The following ZNF292 variants were observed in gnomAD, a reference collection of about 807,000 sequenced individuals.
ZNF292 encodes 16 zinc-finger domain protein.
ZNF292 carries 26 observed loss-of-function variants against 217.9 expected under a neutral mutation model. That is an observed-to-expected ratio of 0.12 (90% confidence interval 0.09 to 0.17). ZNF292 has a LOEUF of 0.17. Among genes scored for constraint, ZNF292 ranks in the 10% least tolerant of loss-of-function variants. The pLI, the probability that ZNF292 is intolerant of heterozygous loss-of-function variation, is 1.00. For synonymous variants in ZNF292, 1,257 were observed against 1,124.1 expected (o/e 1.12, Z -2.37); for missense variants, 2,904 against 3,175.2 (o/e 0.91, Z 2.05).
At chr6:87,206,235 A>G (rs1249401699) in intron 1 of ZNF292, among the ~76,000 whole-genome samples, 1 of 152,198 alleles carries the variant, frequency 6.6e-6, no homozygotes, top group Admixed American at 6.5e-5. Flanking sequence ...GGTTAGGAAA[A>G]TATTTTCTAC....
At chr6:87,234,690 A>AC (rs1773815482) in intron 5 of ZNF292, among the ~76,000 whole-genome samples, 2 of 152,196 alleles carry the variant, frequency 1.3e-5, no homozygotes, top group Non-Finnish European at 2.9e-5. Context: ...AGAGAGGAAA[A>AC]CAAAGGGATT....
intron 1 of ZNF292, among the ~76,000 whole-genome samples, chr6:87,175,181 C>T (rs1771242768): frequency 6.6e-6 from 1 of 152,158 alleles, no homozygotes; most frequent in Non-Finnish European, 1.5e-5. Flanking sequence ...CCTCTGACTT[C>T]TTCTCTCCTT....
chr6:87,165,099 G>A (rs1770872453), intron 1 of ZNF292, among the ~76,000 whole-genome samples: 1 of 152,020 alleles, frequency 6.6e-6, no homozygotes, highest in Non-Finnish European at 1.5e-5. Context: ...TGTTTACCTT[G>A]ATATTAAACC....
chr6:87,157,315 A>G (rs1393928933), intron 1 of ZNF292, among the ~76,000 whole-genome samples: 3 of 152,216 alleles, frequency 2.0e-5, no homozygotes, highest in Admixed American at 1.3e-4. Flanking sequence ...TTAATATTTA[A>G]AAATTGTTGA....
chr6:87,257,007 A>G lies in ZNF292; in HGVS notation c.3378A>G (p.Gln1126=), dbSNP rs1316037511. The change falls in exon 8 of 8, where the codon CAA becomes CAG. Residue 1126 remains glutamine, a synonymous_variant. Coordinates refer to ENST00000369577, the MANE Select transcript of ZNF292 (RefSeq NM_015021.3). ...ACATGAAGACAGCACACCCTGACCA[A>G]TATGCTGCATTTAAAATGCAGCGCA... ...GKHMKTAHPD[Q]YAAFKMQRKS... is the part of the protein sequence containing the mutation. 6.2e-7 allele frequency: 1 copy of G among 1,613,760 alleles called. No homozygotes were observed. Among genetic ancestry groups the G allele is most frequent in the Admixed American group, 1.7e-5 (1 of 59,922 alleles).
Position 87,258,977 on chromosome 6 carries a change from C to T in ZNF292, c.5348C>T (p.Thr1783Ile), listed in dbSNP as rs1775401894. The T allele has an allele frequency of 6.2e-7, 1 of 1,613,376 alleles. No individual in the cohort carries two copies. Among genetic ancestry groups the T allele is most frequent in the Non-Finnish European group, 8.5e-7 (1 of 1,179,604 alleles). ...AGTGGATCTCAGGGTGCTGGTGAAA[C>T]TTCACAAAATGCTCAAATAAATTAT... ...VKSGSQGAGE[T>I]SQNAQINYNI... Residue 1783 changes from threonine to isoleucine, a missense_variant, in exon 8 of 8, where the codon ACT becomes ATT. Thr to Ile is a moderately conservative substitution (Grantham distance 89). Coordinates refer to ENST00000369577, the MANE Select transcript of ZNF292 (RefSeq NM_015021.3).
At chr6:87,180,554 A>G (rs1253269028) in intron 1 of ZNF292, among the ~76,000 whole-genome samples, 1 of 152,148 alleles carries the variant, frequency 6.6e-6, no homozygotes, top group African/African-American at 2.4e-5. Flanking sequence ...CCAGCTGCCA[A>G]TATTCCAACT....
At chr6:87,172,506 ATTC>A (rs1329734432) in intron 1 of ZNF292, among the ~76,000 whole-genome samples, 1 of 152,200 alleles carries the variant, frequency 6.6e-6, no homozygotes, top group Non-Finnish European at 1.5e-5. Flanking sequence ...CTAATTAAGC[ATTC>A]TTTAGAATGT....
chr6:87,224,531 C>G (rs1166008520), intron 4 of ZNF292, among the ~76,000 whole-genome samples: 6 of 151,950 alleles, frequency 3.9e-5, no homozygotes, highest in Non-Finnish European at 8.8e-5. Flanking sequence ...TATCTGCCAT[C>G]TCTATAGTTT....
chr6:87,256,316 A>C lies in ZNF292; in HGVS notation c.2687A>C (p.Glu896Ala), dbSNP rs764483843. 9.3e-6 allele frequency: 15 copies of C among 1,613,260 alleles called. No individual in the cohort carries two copies. Among genetic ancestry groups the C allele is most frequent in the Admixed American group, 1.7e-5 (1 of 59,992 alleles). ...GATGCTTGGGATAAAAGCAAAGCAG[A>C]ATCAGCTGTGACCAAACAAGACCAG... ...RSDAWDKSKA[E>A]SAVTKQDQIS... Residue 896 changes from glutamate (E) to alanine (A), a missense_variant, in exon 8 of 8, where the codon GAA (glutamate) becomes GCA (alanine). Glu to Ala is a moderately radical substitution (Grantham distance 107, BLOSUM62 -1). Transcript: ENST00000369577.
rs183797025 is a variant in ZNF292, at chr6:87,265,394, T to C, written c.*3593T>C. 6.6e-6 allele frequency among the ~76,000 whole-genome samples: 1 copy of C among 152,282 alleles called. No homozygotes were observed. Among genetic ancestry groups the C allele is most frequent in the African/African-American group, 2.4e-5 (1 of 41,554 alleles). On this transcript the variant is annotated 3_prime_UTR_variant, in exon 8 of 8. Transcript: ENST00000369577. The stretch of plus-strand genomic sequence containing the variant: ...GCACACCACCACACCTGGCTGATTT[T>C]ATATTTTTAGTAGAGACGGTTTCAC...
intron 7 of ZNF292, among the ~76,000 whole-genome samples, chr6:87,247,369 G>A (rs1774658619): frequency 6.6e-6 from 1 of 151,998 alleles, no homozygotes; most frequent in African/African-American, 2.4e-5. Context: ...TGAAAAGGTA[G>A]ACTAGAAAAA....
intron 4 of ZNF292, among the ~76,000 whole-genome samples, chr6:87,219,132 A>C (rs1772944102): frequency 6.6e-6 from 1 of 152,208 alleles, no homozygotes; most frequent in South Asian, 2.1e-4. Context: ...CTCTAAGATT[A>C]AAATGCTTTC....
chr6:87,190,938 C>A (rs1262733283), intron 1 of ZNF292, among the ~76,000 whole-genome samples: 2 of 152,084 alleles, frequency 1.3e-5, no homozygotes, highest in African/African-American at 4.8e-5. Context: ...AATTGTTCCA[C>A]TCTTCAGAGG....
intron 1 of ZNF292, among the ~76,000 whole-genome samples, chr6:87,199,230 T>C (rs1250293820): frequency 1.3e-5 from 2 of 152,252 alleles, no homozygotes; most frequent in Admixed American, 6.5e-5. Flanking sequence ...TAAATTCGTA[T>C]TTCCCTAATG....
intron 1 of ZNF292, among the ~76,000 whole-genome samples, chr6:87,194,719 A>T (rs1771907219): frequency 6.6e-6 from 1 of 152,234 alleles, no homozygotes; most frequent in Admixed American, 6.5e-5. Context: ...AAGTAATATC[A>T]AAACCTAACA....
chr6:87,183,130 A>C (rs1013782996), intron 1 of ZNF292, among the ~76,000 whole-genome samples: 2 of 152,178 alleles, frequency 1.3e-5, no homozygotes, highest in African/African-American at 4.8e-5. Context: ...ATAAAGTTAC[A>C]AATAGTCATT....
chr6:87,182,825 T>A (rs746771452), intron 1 of ZNF292, among the ~76,000 whole-genome samples: 3 of 152,210 alleles, frequency 2.0e-5, no homozygotes, highest in African/African-American at 7.2e-5. Flanking sequence ...TTATTTTTAA[T>A]AAATCAGTAA....
chr6:87,239,757 C>A (rs370589742), intron 5 of ZNF292, among the ~76,000 whole-genome samples: 1 of 138,752 alleles, frequency 7.2e-6, no homozygotes, highest in East Asian at 2.2e-4. Context: ...CCAGATGGGG[C>A]GGTGGGGCAG....
Sources: allele counts gnomAD v4.1 joint callset (sites outside exome capture counted in the v4.1 genomes callset), GRCh38; gene constraint gnomAD v4.1.1; transcripts MANE v1.5; gene names NCBI Gene and HGNC (gene_info 2026-07-23, HGNC 2026-07-21).